The following BCL7A variants were observed in gnomAD, a reference collection of about 807,000 sequenced individuals.
BCL7A encodes BAF chromatin remodeling complex subunit BCL7A, also known as B-cell CLL/lymphoma 7 protein family member A.
BCL7A carries 11 observed loss-of-function variants against 28.4 expected under a neutral mutation model. The observed-to-expected ratio is 0.39, with a 90% CI of 0.24 to 0.64. The LOEUF (loss-of-function observed/expected upper bound fraction) is 0.64, where lower values mean the gene tolerates loss of function less well. Among genes scored for constraint, BCL7A ranks in the 30% least tolerant of loss-of-function variants. The pLI is 0.50. For missense variants in BCL7A, 222 were observed against 274.8 expected, an observed-to-expected ratio of 0.81 and a Z score of 1.36; for synonymous variants, 123 against 103.3, an observed-to-expected ratio of 1.19 and a Z score of -1.15.
At chr12:122,022,981 G>C (rs533293292) in intron 1 of BCL7A, among the ~76,000 whole-genome samples, 1 of 152,266 alleles carries the variant, frequency 6.6e-6, no homozygotes, top group Non-Finnish European at 1.5e-5. Context: ...CACACCGGGA[G>C]CTCGTGTTTG....
chr12:122,022,819 C>G (rs1883497987), intron 1 of BCL7A, among the ~76,000 whole-genome samples: 1 of 151,732 alleles, frequency 6.6e-6, no homozygotes, highest in African/African-American at 2.4e-5. Context: ...TCTCGGCGAC[C>G]AGGAAAGATG....
chr12:122,036,006 G>A (rs753656413), intron 3 of BCL7A, among the ~76,000 whole-genome samples: 4 of 151,996 alleles, frequency 2.6e-5, no homozygotes, highest in East Asian at 1.9e-4. Flanking sequence ...ATCCCTGACC[G>A]ATTTTTGTAT....
chr12:122,054,338 C>T (rs571814041), intron 4 of BCL7A, among the ~76,000 whole-genome samples: 1 of 152,294 alleles, frequency 6.6e-6, no homozygotes, highest in African/African-American at 2.4e-5. Context: ...CCGCCAGCCT[C>T]GGCCTCCCAA....
chr12:122,029,617 C>T lies in BCL7A; in HGVS notation c.93-1083C>T, dbSNP rs188954512. 3.3e-5 allele frequency among the ~76,000 whole-genome samples: 5 copies of T among 152,292 alleles called. No individual in the cohort carries two copies. Among genetic ancestry groups the T allele is most frequent in the Admixed American group, 1.3e-4 (2 of 15,294 alleles). ...CTGCCCCAACAGTGCCTGCTGGGCC[C>T]CTTAAATCCGCCAGCCTCCTAGCTG... On this transcript the variant is annotated intron_variant, in intron 1 of 5. Coordinates refer to ENST00000261822, the MANE Select transcript of BCL7A (RefSeq NM_001024808.3). This position sits in a 1 kb window ranked among gnomAD's most constrained non-coding sequence, Gnocchi z 4.3.
intron 1 of BCL7A, among the ~76,000 whole-genome samples, chr12:122,022,881 C>T (rs971352695): frequency 7.9e-5 from 12 of 151,974 alleles, no homozygotes; most frequent in Non-Finnish European, 1.3e-4. Flanking sequence ...CCACGTCCCA[C>T]CCCGCTCTGC....
rs1951927578 is a variant in BCL7A, at chr12:122,061,964, A to G, written c.*2801A>G. On this transcript the variant is annotated 3_prime_UTR_variant, in exon 6 of 6. Transcript: ENST00000261822. The stretch of plus-strand genomic sequence containing the variant: ...GTGTTGTACAGCAGTATAATTTTTC[A>G]CTTATTTATTCCATCAGTAGATATG... 1 of 197,398 alleles carries G rather than the reference A, an allele frequency of 5.1e-6. No individual in the cohort carries two copies. The highest frequency in any genetic ancestry group is 2.4e-5 in the African/African-American group (1 of 42,392). 12.2% of individuals were successfully genotyped at this position (197,398 alleles called of 1,614,324 possible). A position where few individuals can be genotyped will look rare whatever the true frequency, so the allele number is the denominator to read the frequency against.
intron 3 of BCL7A, among the ~76,000 whole-genome samples, chr12:122,039,140 CAA>C (rs35271558): frequency 4.0e-4 from 60 of 151,358 alleles, no homozygotes; most frequent in African/African-American, 1.4e-3. Context: ...ACTAAAAATA[CAA>C]AAAAATTAGC....
intron 3 of BCL7A, 69 bp downstream of exon 3, chr12:122,035,496 T>C: frequency 7.0e-7 from 1 of 1,430,104 alleles, no homozygotes; most frequent in Non-Finnish European, 9.8e-7. Flanking sequence ...CGGTCATGTT[T>C]TTGTTTCTCC....
intron 4 of BCL7A, among the ~76,000 whole-genome samples, chr12:122,053,534 G>T (rs535056505): frequency 1.3e-4 from 20 of 152,270 alleles, no homozygotes; most frequent in African/African-American, 4.6e-4. Flanking sequence ...GCATTCTCTA[G>T]GATTCGTTTC....
intron 2 of BCL7A, 114 bp from the exon 3 acceptor site, chr12:122,035,217 G>A: frequency 1.1e-6 from 1 of 916,244 alleles, no homozygotes; most frequent in Non-Finnish European, 1.7e-6. Context: ...AGGCCTGGGG[G>A]CTCCAGGAGG....
At chr12:122,055,709 C>T (rs1296368738) in intron 5 of BCL7A, among the ~76,000 whole-genome samples, 1 of 152,176 alleles carries the variant, frequency 6.6e-6, no homozygotes, top group Non-Finnish European at 1.5e-5. Context: ...ACCTCCACCT[C>T]CTGGATTCAA....
At chr12:122,048,873 T>A (rs1765701092) in intron 4 of BCL7A, among the ~76,000 whole-genome samples, 1 of 151,462 alleles carries the variant, frequency 6.6e-6, no homozygotes, top group South Asian at 2.1e-4. Context: ...TACAAAAAAT[T>A]AGCTGGGTGT....
intron 4 of BCL7A, among the ~76,000 whole-genome samples, chr12:122,052,870 G>C (rs1168266453): frequency 7.4e-4 from 4 of 5,430 alleles, no homozygotes; most frequent in African/African-American, 1.7e-3. Context: ...TTTTTAGTCG[G>C]GGGGGGGGGG....
chr12:122,055,153 C>T (rs1320952503), intron 5 of BCL7A, among the ~76,000 whole-genome samples: 1 of 152,200 alleles, frequency 6.6e-6, no homozygotes, highest in Non-Finnish European at 1.5e-5. Context: ...CTCAAGGAGC[C>T]TCTGGGTCGG....
chr12:122,028,939 A>C (rs902560180), intron 1 of BCL7A, among the ~76,000 whole-genome samples: 2 of 152,116 alleles, frequency 1.3e-5, no homozygotes, highest in Non-Finnish European at 2.9e-5. Context: ...AAAGGTGGGC[A>C]TTGTGGTTTG....
chr12:122,025,824 G>A (rs1883614948), intron 1 of BCL7A, among the ~76,000 whole-genome samples: 2 of 150,834 alleles, frequency 1.3e-5, no homozygotes, highest in African/African-American at 2.4e-5. Context: ...GTACACGCCT[G>A]TAATCCCAGC....
rs1259167151 is a variant in BCL7A at position 122,059,741 on chromosome 12, A to AAGG, written c.*581_*583dup. 4.3e-6 allele frequency: 1 copy of AAGG among 231,970 alleles called. No homozygotes were observed. The highest frequency in any genetic ancestry group is 2.2e-5 in the African/African-American group (1 of 45,236). The allele number at this position is 231,970 out of a possible 1,614,324, so 14.4% of individuals were successfully genotyped here. On this transcript the variant is annotated 3_prime_UTR_variant, in exon 6 of 6. Transcript: ENST00000261822. The surrounding 1 kb of genome is among the most constrained non-coding windows in gnomAD (Gnocchi z 4.0). The stretch of plus-strand genomic sequence containing the variant: ...TCATCGGAGCAGGCAGGGTGGAGCG[A>AAGG]AGGAGCTCCTTAGCCCACCTGGTTT...
At chr12:122,033,007 A>T (rs1312514555) in intron 2 of BCL7A, among the ~76,000 whole-genome samples, 4 of 152,204 alleles carry the variant, frequency 2.6e-5, no homozygotes, top group Admixed American at 2.6e-4. Flanking sequence ...AACACTCAGT[A>T]TCTATATGGT....
intron 4 of BCL7A, among the ~76,000 whole-genome samples, chr12:122,048,089 G>A (rs1884113729): frequency 6.6e-6 from 1 of 151,772 alleles, no homozygotes; most frequent in Admixed American, 6.6e-5. Flanking sequence ...TTTTAGTAGC[G>A]ACAGGGTTTC....
Sources: allele counts gnomAD v4.1 joint callset (sites outside exome capture counted in the v4.1 genomes callset), GRCh38; gene constraint gnomAD v4.1.1; non-coding constraint Gnocchi (gnomAD v3.1); transcripts MANE v1.5; gene names NCBI Gene and HGNC (gene_info 2026-07-23, HGNC 2026-07-21).